ADAMTSL3: variants seen among roughly 807,000 people sequenced by gnomAD.
The protein encoded by ADAMTSL3 is ADAMTS like 3.
In ADAMTSL3, 128 loss-of-function variants were observed where a neutral mutation model predicts 201.7. The ratio of observed to expected loss-of-function variants is 0.63; its 90% CI spans 0.55 to 0.73. The LOEUF is 0.73. Among genes scored for constraint, ADAMTSL3 ranks in the 30% least tolerant of loss-of-function variants. ADAMTSL3 has a pLI of 0.00. For missense variants in ADAMTSL3, 1,990 were observed against 2,119.6 expected (o/e 0.94, Z 1.20); for synonymous variants, 738 against 748.4 (o/e 0.99, Z 0.23).
At chr15:83,715,505 C>T (rs571360085) in intron 3 of ADAMTSL3, among the ~76,000 whole-genome samples, 2 of 152,234 alleles carry the variant, frequency 1.3e-5, no homozygotes, top group South Asian at 4.2e-4. Context: ...CTTATTAAGT[C>T]CTTCTCCTCT....
chr15:83,976,451 T>A (rs1262176372), intron 20 of ADAMTSL3, among the ~76,000 whole-genome samples: 2 of 152,104 alleles, frequency 1.3e-5, no homozygotes, highest in African/African-American at 4.8e-5. Context: ...TTCTAGCACA[T>A]TAAATGTATT....
rs1046949458 is a variant in ADAMTSL3, at chr15:84,014,409, C to T, written c.3974-133C>T. 8.3e-5 allele frequency: 66 copies of T among 798,302 alleles called. No homozygotes were observed. The African/African-American group carries it at 1.1e-3, about 13-fold the overall frequency. 49.5% of individuals were successfully genotyped at this position (798,302 alleles called of 1,614,324 possible). The stretch of plus-strand genomic sequence containing the variant: ...AGAGTAGCTATAGAAATAGAAATAG[C>T]CATTTTTCCTATTATATATGATTAA... On this transcript the variant is annotated intron_variant, in intron 23 of 29. Transcript: ENST00000286744.
chr15:83,941,558 T>G, intron 17 of ADAMTSL3, among the ~76,000 whole-genome samples: 1 of 152,194 alleles, frequency 6.6e-6, no homozygotes, highest in East Asian at 1.9e-4. Context: ...CCTTTTCTTT[T>G]CTATTAAAAA....
At chr15:83,885,606 T>C (rs2065372583) in intron 10 of ADAMTSL3, among the ~76,000 whole-genome samples, 1 of 152,142 alleles carries the variant, frequency 6.6e-6, no homozygotes, top group Admixed American at 6.5e-5. Context: ...TCAATGGGTG[T>C]GTTGGTTCTA....
chr15:83,834,431 A>AT (rs565451674), intron 6 of ADAMTSL3, among the ~76,000 whole-genome samples: 101 of 152,244 alleles, frequency 6.6e-4, no homozygotes, highest in Non-Finnish European at 1.2e-3. Flanking sequence ...GAAATGTCAG[A>AT]TTTTTCCCCC....
chr15:83,672,859 T>A (rs1227203444), intron 2 of ADAMTSL3, among the ~76,000 whole-genome samples: 1 of 152,188 alleles, frequency 6.6e-6, no homozygotes, highest in Non-Finnish European at 1.5e-5. Flanking sequence ...CCTTACTTCT[T>A]AGGACAGGCT....
chr15:84,038,969 T>C lies in ADAMTSL3; in HGVS notation c.*1163T>C, dbSNP rs1297627166. ...AGGACCAGGTTAGGTCAGGGTTGGA[T>C]TGGGTTTAGATTGGGGCCAGTGCTG... On this transcript the variant is annotated 3_prime_UTR_variant, in exon 30 of 30. Transcript: ENST00000286744. 1.3e-5 allele frequency: 2 copies of C among 152,496 alleles called. No homozygotes were observed. Among genetic ancestry groups the C allele is most frequent in the African/African-American group, 4.8e-5 (2 of 41,428 alleles). The allele number at this position is 152,496 out of a possible 1,614,324, so 9.4% of individuals were successfully genotyped here. A position where few individuals can be genotyped will look rare whatever the true frequency, so the allele number is the denominator to read the frequency against.
In ADAMTSL3 at chr15:83,884,871, T is replaced by A. The variant is rs12907220; in HGVS notation, c.961-230T>A. Among the ~76,000 whole-genome samples the A allele has an allele frequency of 0.04, 6,082 of 152,250 alleles. 166 individuals are homozygous for A. The highest frequency in any genetic ancestry group is 0.063 in the Non-Finnish European group (4,255 of 68,008). ...GAATCCATTCACAGGCATGGAATTA[T>A]CTGGAAAAATGACTCCAGGGAGATT... On this transcript the variant is annotated intron_variant, in intron 9 of 29. Coordinates refer to ENST00000286744, the MANE Select transcript of ADAMTSL3 (RefSeq NM_207517.3).
intron 24 of ADAMTSL3, 52 bp from the exon 25 acceptor site, chr15:84,016,331 A>G (rs559112434): frequency 7.0e-7 from 1 of 1,430,602 alleles, no homozygotes; most frequent in Non-Finnish European, 9.8e-7. Flanking sequence ...AAGCTGGACC[A>G]ATAATTAGAT....
At chr15:84,027,254 G>A (rs2068326697) in intron 27 of ADAMTSL3, among the ~76,000 whole-genome samples, 2 of 152,144 alleles carry the variant, frequency 1.3e-5, no homozygotes, top group Non-Finnish European at 2.9e-5. Flanking sequence ...TGGAGAAATT[G>A]GAACCTTCAT....
intron 19 of ADAMTSL3, among the ~76,000 whole-genome samples, chr15:83,952,531 G>T (rs1264109996): frequency 2.6e-5 from 4 of 152,210 alleles, no homozygotes; most frequent in Non-Finnish European, 5.9e-5. Context: ...AGTGTTTAAA[G>T]TGGGATGTTG....
intron 17 of ADAMTSL3, among the ~76,000 whole-genome samples, chr15:83,934,948 G>A (rs771014185): frequency 4.6e-5 from 7 of 152,136 alleles, no homozygotes; most frequent in East Asian, 1.9e-4. Flanking sequence ...CTCAGAAGTC[G>A]AAAGTCAAAT....
intron 9 of ADAMTSL3, among the ~76,000 whole-genome samples, chr15:83,875,307 T>C (rs879885307): frequency 6.6e-6 from 1 of 152,212 alleles, no homozygotes; most frequent in Non-Finnish European, 1.5e-5. Flanking sequence ...AGGACTCCAG[T>C]GTCTCCCAAG....
chr15:83,782,519 A>G (rs1260739107), intron 4 of ADAMTSL3, among the ~76,000 whole-genome samples: 1 of 152,190 alleles, frequency 6.6e-6, no homozygotes, highest in Non-Finnish European at 1.5e-5. Flanking sequence ...AATGTGGTAC[A>G]TATGCCCTGG....
At chr15:84,013,576 C>T (rs868006435) in intron 23 of ADAMTSL3, among the ~76,000 whole-genome samples, 6 of 151,940 alleles carry the variant, frequency 3.9e-5, no homozygotes, top group Admixed American at 6.6e-5. Context: ...GAGTTCAAGA[C>T]GACCCTGAGG....
At chr15:84,032,652 C>CA (rs1372703261) in intron 28 of ADAMTSL3, among the ~76,000 whole-genome samples, 1 of 152,206 alleles carries the variant, frequency 6.6e-6, no homozygotes. Context: ...TAATTCCCAT[C>CA]AAGTAAAGAT....
intron 23 of ADAMTSL3, among the ~76,000 whole-genome samples, chr15:83,992,772 T>C (rs2067603950): frequency 6.6e-6 from 1 of 152,200 alleles, no homozygotes; most frequent in Admixed American, 6.5e-5. Context: ...ACCATTAAAC[T>C]CATCTAGTTT....
rs527398074 is a variant in ADAMTSL3 at position 84,027,689 on chromosome 15, G to A, written c.4656+2253G>A. Among the ~76,000 whole-genome samples, 19 of 151,982 alleles carry A rather than the reference G, an allele frequency of 1.3e-4. No individual in the cohort carries two copies. The East Asian group carries it at 1.9e-3, about 16-fold the overall frequency. On this transcript the variant is annotated intron_variant, in intron 27 of 29. Coordinates refer to ENST00000286744, the MANE Select transcript of ADAMTSL3 (RefSeq NM_207517.3). Reference sequence around the variant, plus strand: ...CACGCCACTGCACTCCAGCCTGGGCGACAGAGCGAGACTCTGTCTCAAAAA... The same window carrying A: ...CACGCCACTGCACTCCAGCCTGGGCAACAGAGCGAGACTCTGTCTCAAAAA...
chr15:83,714,326 G>T (rs1302274726), intron 3 of ADAMTSL3, among the ~76,000 whole-genome samples: 3 of 152,206 alleles, frequency 2.0e-5, no homozygotes, highest in Admixed American at 1.3e-4. Flanking sequence ...GCACAGGTGT[G>T]TAGCTGTTAG....
Sources: gnomAD v4.1 joint callset for allele counts (sites outside exome capture counted in the v4.1 genomes callset) on GRCh38, gnomAD v4.1.1 for gene constraint, MANE v1.5 for transcripts, NCBI Gene and HGNC (gene_info 2026-07-23, HGNC 2026-07-21) for gene names.